The following TMEM131L variants were observed in gnomAD, a reference collection of about 807,000 sequenced individuals.
TMEM131L encodes the protein transmembrane 131 like.
TMEM131L carries 54 observed loss-of-function variants against 192.2 expected under a neutral mutation model. The observed-to-expected ratio is 0.28, with a 90% CI of 0.23 to 0.35. The LOEUF (loss-of-function observed/expected upper bound fraction) is 0.35, where lower values mean the gene tolerates loss of function less well. Ranked by LOEUF, TMEM131L falls within the 10% of genes least tolerant of loss-of-function variation. TMEM131L has a pLI of 1.00. For synonymous variants in TMEM131L, 701 were observed against 704.9 expected, an observed-to-expected ratio of 0.99 and a Z score of 0.09; for missense variants, 1,888 against 1,972.9, an observed-to-expected ratio of 0.96 and a Z score of 0.82.
chr4:153,636,309 C>G lies in TMEM131L; in HGVS notation c.4566C>G (p.Leu1522=). Reference sequence around the variant, plus strand: ...CCTCATTTATACTTCAGCCCTACCTCACAAGCACCCGAAGCTTGTCTCCAA... The same window carrying G: ...CCTCATTTATACTTCAGCCCTACCTGACAAGCACCCGAAGCTTGTCTCCAA... ...HASFISSPPY[L]TSTRSLSPMS... Residue 1522 remains leucine, a synonymous_variant, in exon 35 of 35, where the codon CTC becomes CTG. Transcript: ENST00000409959. 1 of 1,613,194 alleles carries G rather than the reference C, an allele frequency of 6.2e-7. No homozygotes were observed. Among genetic ancestry groups the G allele is most frequent in the East Asian group, 2.2e-5 (1 of 44,870 alleles).
intron 21 of TMEM131L, among the ~76,000 whole-genome samples, chr4:153,599,910 TAGTC>T (rs1414896715): frequency 1.3e-5 from 2 of 151,924 alleles, no homozygotes; most frequent in African/African-American, 4.8e-5. Context: ...ATACAAAAAT[TAGTC>T]AGGCATGGTG....
intron 2 of TMEM131L, among the ~76,000 whole-genome samples, chr4:153,472,543 A>C (rs992897374): frequency 6.6e-6 from 1 of 152,228 alleles, no homozygotes; most frequent in African/African-American, 2.4e-5. Context: ...TAGACAAAAA[A>C]AAACAAAAAA....
intron 3 of TMEM131L, among the ~76,000 whole-genome samples, chr4:153,535,232 G>C (rs879872288): frequency 4.6e-5 from 7 of 152,182 alleles, no homozygotes; most frequent in South Asian, 2.1e-4. Context: ...CAGGGTTATT[G>C]GCTTGAACAA....
chr4:153,508,443 T>C (rs1268194152), intron 3 of TMEM131L, among the ~76,000 whole-genome samples: 3 of 152,206 alleles, frequency 2.0e-5, no homozygotes, highest in Non-Finnish European at 2.9e-5. Flanking sequence ...AAGAAAATTA[T>C]GTCGATATTC....
At position 153,602,689 on chromosome 4, in the gene TMEM131L, G is replaced by C. The variant is rs1425642389; in HGVS notation, c.2601G>C (p.Trp867Cys). 2 of 1,613,904 alleles carry C rather than the reference G, an allele frequency of 1.2e-6. No homozygotes were observed. Among genetic ancestry groups the C allele is most frequent in the Non-Finnish European group, 1.7e-6 (2 of 1,179,878 alleles). Residue 867 changes from tryptophan to cysteine, a missense_variant, in exon 23 of 35, where the codon TGG (tryptophan) becomes TGC (cysteine). Trp to Cys is a radical substitution (Grantham distance 215). Coordinates refer to ENST00000409959, the MANE Select transcript of TMEM131L (RefSeq NM_001131007.2). ...LCADVVPGPS[W>C]EESFWRLTVF... Reference sequence around the variant, plus strand: ...CAGACGTGGTTCCAGGACCCAGCTGGGAGGAGTCATTTTGGAGGCTCACGG... The same window carrying C: ...CAGACGTGGTTCCAGGACCCAGCTGCGAGGAGTCATTTTGGAGGCTCACGG...
chr4:153,483,049 A>T (rs1160026105), intron 3 of TMEM131L, among the ~76,000 whole-genome samples: 1 of 152,224 alleles, frequency 6.6e-6, no homozygotes, highest in African/African-American at 2.4e-5. Flanking sequence ...TTGAAAAAAA[A>T]ATAATTTTGA....
At chr4:153,574,913 A>G (rs1050143518) in intron 7 of TMEM131L, among the ~76,000 whole-genome samples, 6 of 152,184 alleles carry the variant, frequency 3.9e-5, no homozygotes, top group African/African-American at 1.4e-4. Context: ...AATGACTTCT[A>G]ATATTTAGCA....
Position 153,495,357 on chromosome 4 carries a change from A to G in TMEM131L, c.239+21469A>G, listed in dbSNP as rs78175046. Among the ~76,000 whole-genome samples, 1,195 of 152,046 alleles carry G rather than the reference A, an allele frequency of 7.9e-3. 18 individuals are homozygous for G. Among genetic ancestry groups the G allele is most frequent in the African/African-American group, 0.028 (1,141 of 41,466 alleles). On this transcript the variant is annotated intron_variant, in intron 3 of 34. Transcript: ENST00000409959. Reference sequence around the variant, plus strand: ...AAAAACAAGTAAGTTAATTTTGCCAAGGTTAAGGATATGCCCGGAACACAG... The same window carrying G: ...AAAAACAAGTAAGTTAATTTTGCCAGGGTTAAGGATATGCCCGGAACACAG...
At chr4:153,476,115 C>T (rs555577649) in intron 3 of TMEM131L, among the ~76,000 whole-genome samples, 9 of 152,152 alleles carry the variant, frequency 5.9e-5, no homozygotes, top group South Asian at 4.2e-4. Flanking sequence ...CACACAATCA[C>T]GCCCGGCTAA....
chr4:153,499,256 C>G (rs533467868), intron 3 of TMEM131L, among the ~76,000 whole-genome samples: 4 of 152,086 alleles, frequency 2.6e-5, no homozygotes, highest in African/African-American at 7.2e-5. Context: ...AGCCTCCAGT[C>G]GCTGTAGCTC....
chr4:153,568,887 G>T (rs1191853267), intron 7 of TMEM131L, among the ~76,000 whole-genome samples: 2 of 152,178 alleles, frequency 1.3e-5, no homozygotes, highest in Non-Finnish European at 2.9e-5. Flanking sequence ...ATATTCTCCT[G>T]TATCAGCCAG....
At chr4:153,584,806 C>T (rs1255148001) in intron 11 of TMEM131L, 29 bp from the exon 12 acceptor site, 1 of 1,525,686 alleles carries the variant, frequency 6.6e-7, no homozygotes, top group Non-Finnish European at 9.1e-7. Context: ...GGTACTTAAG[C>T]TTCACATTTA....
intron 2 of TMEM131L, 114 bp from the exon 3 acceptor site, chr4:153,473,731 G>A (rs893175871): frequency 5.3e-5 from 39 of 736,868 alleles, no homozygotes; most frequent in Non-Finnish European, 7.7e-5. Context: ...GGCGGAGGTT[G>A]CAGTGAGCCG....
chr4:153,466,644 G>T, intron 1 of TMEM131L, 123 bp downstream of exon 1: 1 of 978,864 alleles, frequency 1.0e-6, no homozygotes, highest in Non-Finnish European at 1.3e-6. Context: ...GAGGAGGAAG[G>T]AAAGCTGTTG....
chr4:153,602,990 G>A (rs929855248), intron 23 of TMEM131L, among the ~76,000 whole-genome samples: 2 of 152,162 alleles, frequency 1.3e-5, no homozygotes, highest in African/African-American at 2.4e-5. Context: ...AGTCATGGTG[G>A]ATGATATGAA....
chr4:153,623,162 G>C (rs1398788432), intron 29 of TMEM131L, 79 bp downstream of exon 29: 7 of 1,331,484 alleles, frequency 5.3e-6, no homozygotes, highest in Non-Finnish European at 6.0e-6. Context: ...ACACAGTCTC[G>C]ATCTGCCTTC....
At chr4:153,540,319 T>G (rs1736681161) in intron 3 of TMEM131L, among the ~76,000 whole-genome samples, 1 of 152,184 alleles carries the variant, frequency 6.6e-6, no homozygotes, top group Non-Finnish European at 1.5e-5. Context: ...TTAACTTGTG[T>G]TTTTTCACTT....
At chr4:153,537,032 T>C (rs1021586234) in intron 3 of TMEM131L, among the ~76,000 whole-genome samples, 3 of 152,096 alleles carry the variant, frequency 2.0e-5, no homozygotes, top group Admixed American at 6.5e-5. Context: ...AGATTAAGGG[T>C]GGGTCTGCCT....
chr4:153,560,209 C>A (rs774650201), intron 7 of TMEM131L, among the ~76,000 whole-genome samples: 32 of 152,254 alleles, frequency 2.1e-4, no homozygotes, highest in Admixed American at 7.2e-4. Context: ...TTTTCATCAC[C>A]CATGGAATGG....
Sources: gnomAD v4.1 joint callset for allele counts (sites outside exome capture counted in the v4.1 genomes callset) on GRCh38, gnomAD v4.1.1 for gene constraint, MANE v1.5 for transcripts, NCBI Gene and HGNC (gene_info 2026-07-23, HGNC 2026-07-21) for gene names.